MMP16: variants seen among roughly 807,000 people sequenced by gnomAD.
MMP16 encodes matrix metalloproteinase-16.
Under a neutral mutation model 67.8 loss-of-function variants are expected in MMP16, and 12 were observed. That is an observed-to-expected ratio of 0.18 (90% CI 0.11 to 0.29). MMP16 has a LOEUF of 0.29. Among genes scored for constraint, MMP16 ranks in the 10% least tolerant of loss-of-function variants. The pLI is 1.00. For synonymous variants in MMP16, 249 were observed against 255.9 expected (o/e 0.97, Z 0.26); for missense variants, 475 against 765.7 (o/e 0.62, Z 4.48).
intron 1 of MMP16, among the ~76,000 whole-genome samples, chr8:88,221,105 A>G (rs1380674575): frequency 6.6e-6 from 1 of 151,976 alleles, no homozygotes; most frequent in Non-Finnish European, 1.5e-5. Context: ...CTGGGGGCTA[A>G]GGCACAGAGA....
At chr8:88,191,684 T>C (rs983896497) in intron 2 of MMP16, among the ~76,000 whole-genome samples, 1 of 152,166 alleles carries the variant, frequency 6.6e-6, no homozygotes, top group African/African-American at 2.4e-5. Context: ...CACACACATA[T>C]ATCTGAAAGT....
chr8:88,125,824 A>G (rs953781430), intron 4 of MMP16, among the ~76,000 whole-genome samples: 4 of 151,910 alleles, frequency 2.6e-5, no homozygotes, highest in Non-Finnish European at 5.9e-5. Flanking sequence ...TGTGTGATTT[A>G]TCTGTGCAAC....
At chr8:88,277,808 A>C (rs893833470) in intron 1 of MMP16, among the ~76,000 whole-genome samples, 4 of 152,154 alleles carry the variant, frequency 2.6e-5, no homozygotes, top group African/African-American at 9.7e-5. Context: ...GATTAGCTCT[A>C]TATCATTGGG....
chr8:88,116,493 T>A lies in MMP16; in HGVS notation c.1083+14A>T, dbSNP rs1366421885. ...TGATCTACTGTTAAAAAAAAAAAAA[T>A]CACAGTCTCCTACCTTGAAAACAAA... On this transcript the variant is annotated intron_variant, in intron 6 of 9. Transcript: ENST00000286614. The A allele has an allele frequency of 1.3e-6, 2 of 1,579,362 alleles. No homozygotes were observed. The highest frequency in any genetic ancestry group is 1.8e-5 in the Admixed American group (1 of 57,080).
At chr8:88,130,677 A>G (rs1290028507) in intron 4 of MMP16, among the ~76,000 whole-genome samples, 2 of 151,608 alleles carry the variant, frequency 1.3e-5, no homozygotes, top group Admixed American at 1.3e-4. Context: ...CGTGGTTAAG[A>G]ATTTCAAATG....
At chr8:88,055,110 T>C (rs959988025) in intron 8 of MMP16, among the ~76,000 whole-genome samples, 1 of 152,126 alleles carries the variant, frequency 6.6e-6, no homozygotes, top group Non-Finnish European at 1.5e-5. Flanking sequence ...AATACAAATA[T>C]AGGCTTCAAC....
At chr8:88,062,998 C>T (rs10103111) in intron 7 of MMP16, among the ~76,000 whole-genome samples, 36,755 of 151,832 alleles carry the variant, frequency 0.24, 4,884 homozygotes, top group African/African-American at 0.34. Flanking sequence ...TAAGTATTCC[C>T]TGGATTTCAT....
At chr8:88,174,313 G>C (rs758303221) in intron 3 of MMP16, among the ~76,000 whole-genome samples, 14 of 151,966 alleles carry the variant, frequency 9.2e-5, no homozygotes, top group Admixed American at 6.6e-5. Context: ...CTTAGATTTC[G>C]AAGAGAAAAA....
intron 7 of MMP16, among the ~76,000 whole-genome samples, chr8:88,061,561 C>CT (rs1011206568): frequency 1.3e-5 from 2 of 151,880 alleles, no homozygotes; most frequent in Non-Finnish European, 2.9e-5. Flanking sequence ...TTCTTCCAGG[C>CT]TTTTTTTAGT....
intron 1 of MMP16, among the ~76,000 whole-genome samples, chr8:88,294,549 T>C (rs1015786413): frequency 2.2e-5 from 3 of 136,668 alleles, no homozygotes; most frequent in Non-Finnish European, 5.0e-5. Flanking sequence ...CATATATGTA[T>C]ATATGTCTCT....
intron 1 of MMP16, among the ~76,000 whole-genome samples, chr8:88,198,631 CAA>C (rs1432728437): frequency 6.6e-6 from 1 of 151,884 alleles, no homozygotes; most frequent in African/African-American, 2.4e-5. Flanking sequence ...ATGTGAAACA[CAA>C]AGTGGAATTT....
At chr8:88,291,120 A>T (rs1213932404) in intron 1 of MMP16, among the ~76,000 whole-genome samples, 4 of 151,982 alleles carry the variant, frequency 2.6e-5, no homozygotes, top group African/African-American at 7.2e-5. Flanking sequence ...ATCTCTATAA[A>T]TTTTTTTAAA....
At position 88,116,653 on chromosome 8, in the gene MMP16, G is replaced by A. The variant is rs1429410357; in HGVS notation, c.937C>T (p.Pro313Ser). Residue 313 changes from proline to serine, a missense_variant, in exon 6 of 10, where the codon CCT (proline) becomes TCT (serine). Pro to Ser is a moderately conservative substitution (Grantham distance 74). Transcript: ENST00000286614. The stretch of plus-strand genomic sequence containing the variant: ...TCATTTTTCCTTGGGTCAGCCGGAG[G>A]AATAGAGCGGTGTGGGGGCACTGTC... ...LPTVPPHRSI[P>S]PADPRKNDRP... is the part of the protein sequence containing the mutation. The A allele has an allele frequency of 1.2e-6, 2 of 1,613,764 alleles. No homozygotes were observed. Among genetic ancestry groups the A allele is most frequent in the South Asian group, 2.2e-5 (2 of 91,086 alleles).
At chr8:88,282,889 A>T (rs1482636157) in intron 1 of MMP16, among the ~76,000 whole-genome samples, 4 of 152,130 alleles carry the variant, frequency 2.6e-5, no homozygotes, top group Admixed American at 2.6e-4. Flanking sequence ...TCCACATATT[A>T]TTCTTTTCAT....
rs964379747 is a variant in MMP16 at position 88,323,786 on chromosome 8, C to CA, written c.132+3288dup. On this transcript the variant is annotated intron_variant, in intron 1 of 9. Coordinates refer to ENST00000286614, the MANE Select transcript of MMP16 (RefSeq NM_005941.5). ...CATAACAAAAATGCTCACAGCATACCAAAAAAAAAAGCCACAGGATCATGA... is the reference window on the plus strand; with the variant it reads ...CATAACAAAAATGCTCACAGCATACCAAAAAAAAAAAGCCACAGGATCATGA... Among the ~76,000 whole-genome samples, 226 of 133,528 alleles carry CA rather than the reference C, an allele frequency of 1.7e-3. 1 individual carries two copies. Among genetic ancestry groups the CA allele is most frequent in the Middle Eastern group, 7.6e-3 (2 of 264 alleles). The allele number at this position is 133,528 out of a possible 152,430, so 87.6% of individuals were successfully genotyped here.
At position 88,033,865 on chromosome 8, in the gene MMP16, A is replaced by T. The variant is rs1364561288; in HGVS notation, c.*7596T>A. ...TATATGTAATTTACACTTACAGAGAAATAGACCAAAGGATGAAGGTTTTAG... is the reference window on the plus strand; with the variant it reads ...TATATGTAATTTACACTTACAGAGATATAGACCAAAGGATGAAGGTTTTAG... On this transcript the variant is annotated 3_prime_UTR_variant, in exon 10 of 10. Transcript: ENST00000286614. The T allele has an allele frequency of 6.6e-6, 1 of 152,056 alleles. No homozygotes were observed. The highest frequency in any genetic ancestry group is 1.5e-5 in the Non-Finnish European group (1 of 67,966). The allele number at this position is 152,056 out of a possible 1,614,324, so 9.4% of individuals were successfully genotyped here. A position where few individuals can be genotyped will look rare whatever the true frequency, so the allele number is the denominator to read the frequency against.
At chr8:88,269,817 T>C (rs1038877868) in intron 1 of MMP16, among the ~76,000 whole-genome samples, 1 of 152,170 alleles carries the variant, frequency 6.6e-6, no homozygotes, top group Non-Finnish European at 1.5e-5. Context: ...ATTTCAAATA[T>C]AGCAGTTTTT....
At position 88,058,786 on chromosome 8, in the gene MMP16, T is replaced by C. The variant is rs1808361553; in HGVS notation, c.1223-2508A>G. Among the ~76,000 whole-genome samples, 1 of 152,118 alleles carries C rather than the reference T, an allele frequency of 6.6e-6. No individual in the cohort carries two copies. Among genetic ancestry groups the C allele is most frequent in the Admixed American group, 6.6e-5 (1 of 15,248 alleles). ...AGAGGTGAGGATCATGTAACCCCTG[T>C]AGGAGTTGAACTTTATTCTAAATGA... On this transcript the variant is annotated intron_variant, in intron 7 of 9. Transcript: ENST00000286614. The surrounding 1 kb of genome is among the most constrained non-coding windows in gnomAD (Gnocchi z 4.2).
chr8:88,129,148 C>T (rs1807985730), intron 4 of MMP16, among the ~76,000 whole-genome samples: 1 of 151,704 alleles, frequency 6.6e-6, no homozygotes, highest in African/African-American at 2.4e-5. Context: ...GATATATTTA[C>T]ATACATAGAA....
Sources: gnomAD v4.1 joint callset for allele counts (sites outside exome capture counted in the v4.1 genomes callset) on GRCh38, gnomAD v4.1.1 for gene constraint, Gnocchi (gnomAD v3.1) non-coding constraint, MANE v1.5 for transcripts, NCBI Gene and HGNC (gene_info 2026-07-23, HGNC 2026-07-21) for gene names.